The following VPS54 variants were observed in gnomAD, a reference collection of about 807,000 sequenced individuals.
The protein encoded by VPS54 is vacuolar protein sorting-associated protein 54.
A neutral mutation model predicts 121.5 loss-of-function variants in VPS54; 45 were observed. That is an observed-to-expected ratio of 0.37 (90% CI 0.29 to 0.47). The LOEUF (loss-of-function observed/expected upper bound fraction) is 0.47. Ranked by LOEUF, VPS54 falls within the 20% of genes least tolerant of loss-of-function variation. VPS54 has a pLI of 0.99. For synonymous variants in VPS54, 371 were observed against 385.8 expected, an observed-to-expected ratio of 0.96 and a Z score of 0.45; for missense variants, 1,090 against 1,131.4, an observed-to-expected ratio of 0.96 and a Z score of 0.52.
chr2:63,943,711 C>CT, intron 10 of VPS54, among the ~76,000 whole-genome samples: 1 of 108,064 alleles, frequency 9.3e-6, no homozygotes, highest in African/African-American at 4.1e-5. Context: ...TTTTTCTTTT[C>CT]TTTCTTTCTT....
intron 8 of VPS54, 69 bp downstream of exon 8, chr2:63,948,968 G>C (rs770611988): frequency 6.4e-7 from 1 of 1,563,444 alleles, no homozygotes; most frequent in Non-Finnish European, 8.6e-7. Context: ...TATAATCTGA[G>C]AAAAATGTGT....
At chr2:63,993,551 C>T (rs1170287976) in intron 1 of VPS54, among the ~76,000 whole-genome samples, 1 of 152,176 alleles carries the variant, frequency 6.6e-6, no homozygotes, top group Admixed American at 6.5e-5. Flanking sequence ...TCTGGACCAA[C>T]TGGCCATCTT....
At chr2:63,963,570 T>A (rs756626534) in intron 6 of VPS54, among the ~76,000 whole-genome samples, 6 of 152,140 alleles carry the variant, frequency 3.9e-5, no homozygotes, top group Non-Finnish European at 7.4e-5. Context: ...GGTCATCAAA[T>A]CTGTTTCCCT....
intron 12 of VPS54, among the ~76,000 whole-genome samples, chr2:63,933,236 T>G (rs951905302): frequency 1.3e-5 from 2 of 152,180 alleles, no homozygotes; most frequent in Non-Finnish European, 2.9e-5. Flanking sequence ...TGGAAATTCA[T>G]GTCTTTGAAA....
intron 20 of VPS54, among the ~76,000 whole-genome samples, chr2:63,911,021 C>T (rs1319740616): frequency 6.6e-6 from 1 of 152,132 alleles, no homozygotes; most frequent in African/African-American, 2.4e-5. Flanking sequence ...CATAGTTCCA[C>T]TATTCCCAGC....
At chr2:63,917,109 C>G in intron 15 of VPS54, 146 bp from the exon 16 acceptor site, 1 of 778,286 alleles carries the variant, frequency 1.3e-6, no homozygotes, top group South Asian at 1.7e-5. Flanking sequence ...ATTTGGCACA[C>G]AGTAAATAAA....
intron 11 of VPS54, among the ~76,000 whole-genome samples, chr2:63,939,751 T>C (rs1416524271): frequency 6.8e-6 from 1 of 147,018 alleles, no homozygotes; most frequent in Non-Finnish European, 1.5e-5. Flanking sequence ...ACTATATAAG[T>C]ACATCTACAT....
At chr2:63,934,904 C>T (rs1011899768) in intron 11 of VPS54, among the ~76,000 whole-genome samples, 4 of 152,104 alleles carry the variant, frequency 2.6e-5, no homozygotes, top group Admixed American at 6.6e-5. Context: ...GGACTGCTTG[C>T]CTATTTTAAC....
intron 12 of VPS54, among the ~76,000 whole-genome samples, chr2:63,928,951 T>A (rs1674051662): frequency 6.6e-6 from 1 of 151,908 alleles, no homozygotes; most frequent in South Asian, 2.1e-4. Context: ...AAGGGATCAA[T>A]TCAACAAGAA....
chr2:63,942,274 C>G (rs1391889876), intron 11 of VPS54, among the ~76,000 whole-genome samples, 191 bp downstream of exon 11: 1 of 151,836 alleles, frequency 6.6e-6, no homozygotes, highest in Non-Finnish European at 1.5e-5. Flanking sequence ...AAAATTATAA[C>G]TTATTAAATT....
intron 5 of VPS54, among the ~76,000 whole-genome samples, chr2:63,968,662 T>A (rs994044583): frequency 2.0e-5 from 3 of 151,830 alleles, no homozygotes; most frequent in Non-Finnish European, 2.9e-5. Flanking sequence ...GAGGTTACAG[T>A]GAACTGAGAT....
At position 63,969,080 on chromosome 2, in the gene VPS54, T is replaced by C. The variant is rs570734780; in HGVS notation, c.458-89A>G. 35 of 1,067,270 alleles carry C rather than the reference T, an allele frequency of 3.3e-5. No homozygotes were observed. The African/African-American group carries it at 4.7e-4, about 14-fold the overall frequency. The allele number at this position is 1,067,270 out of a possible 1,614,324, so 66.1% of individuals were successfully genotyped here. On this transcript the variant is annotated intron_variant, in intron 4 of 22. Transcript: ENST00000272322. ...CATTTTGACAGATTCAGTATTGTAC[T>C]GGGTCACATCCAAATAACTAAAGTT... is the stretch of plus-strand genomic sequence containing the variant.
chr2:64,000,257 T>C (rs1031985450), intron 1 of VPS54, among the ~76,000 whole-genome samples: 2 of 152,254 alleles, frequency 1.3e-5, no homozygotes, highest in Non-Finnish European at 2.9e-5. Flanking sequence ...ATTATTTCAA[T>C]CTGTTAAATT....
intron 12 of VPS54, among the ~76,000 whole-genome samples, chr2:63,932,652 T>TAA (rs770433517): frequency 2.4e-5 from 3 of 126,722 alleles, no homozygotes; most frequent in Non-Finnish European, 5.1e-5. Context: ...ACTTAAAGTA[T>TAA]AAAAAAAAAA....
intron 3 of VPS54, among the ~76,000 whole-genome samples, chr2:63,980,817 TC>T (rs1228623563): frequency 2.6e-5 from 4 of 152,022 alleles, no homozygotes; most frequent in African/African-American, 9.7e-5. Flanking sequence ...TTAGATCTGA[TC>T]ATTGAAAACA....
chr2:63,963,048 T>G (rs1675839311), intron 6 of VPS54, among the ~76,000 whole-genome samples: 1 of 152,280 alleles, frequency 6.6e-6, no homozygotes, highest in East Asian at 1.9e-4. Context: ...CTGTTTCTAT[T>G]ATACCATTCT....
intron 12 of VPS54, among the ~76,000 whole-genome samples, chr2:63,924,556 G>A (rs1422764471): frequency 6.6e-6 from 1 of 152,100 alleles, no homozygotes; most frequent in Non-Finnish European, 1.5e-5. Context: ...GCTGGGCATG[G>A]TGGTTCACGC....
At chr2:63,992,615 G>C (rs902645545) in intron 1 of VPS54, among the ~76,000 whole-genome samples, 4 of 152,174 alleles carry the variant, frequency 2.6e-5, no homozygotes, top group Non-Finnish European at 5.9e-5. Context: ...ATTAGTTTCT[G>C]AACAGTTACA....
chr2:63,959,279 G>T (rs1675641367), intron 7 of VPS54, among the ~76,000 whole-genome samples: 1 of 152,104 alleles, frequency 6.6e-6, no homozygotes, highest in Non-Finnish European at 1.5e-5. Context: ...AAAGAATGGG[G>T]TTATAATAAC....
Sources: allele counts gnomAD v4.1 joint callset (sites outside exome capture counted in the v4.1 genomes callset), GRCh38; gene constraint gnomAD v4.1.1; transcripts MANE v1.5; gene names NCBI Gene and HGNC (gene_info 2026-07-23, HGNC 2026-07-21).